Variants in RYR3 observed in about 807,000 individuals in gnomAD.
RYR3 encodes ryanodine receptor 3.
Under a neutral mutation model 584.3 loss-of-function variants are expected in RYR3, and 207 were observed. The ratio of observed to expected loss-of-function variants is 0.35; its 90% confidence interval spans 0.32 to 0.40. The LOEUF (loss-of-function observed/expected upper bound fraction) is 0.40, where lower values mean the gene tolerates loss of function less well. Among genes scored for constraint, RYR3 ranks in the 10% least tolerant of loss-of-function variants. RYR3 has a pLI of 1.00. For synonymous variants in RYR3, 2,416 were observed against 2,248.5 expected (o/e 1.07, Z -2.11); for missense variants, 5,616 against 6,089.2 (o/e 0.92, Z 2.59).
chr15:33,666,777 T>C (rs1229505980), intron 36 of RYR3, among the ~76,000 whole-genome samples: 2 of 152,208 alleles, frequency 1.3e-5, no homozygotes, highest in Non-Finnish European at 2.9e-5. Context: ...TAGCCAAGCA[T>C]AGCCAGCTGG....
At chr15:33,735,444 C>G (rs1162036354) in intron 48 of RYR3, among the ~76,000 whole-genome samples, 1 of 152,170 alleles carries the variant, frequency 6.6e-6, no homozygotes, top group African/African-American at 2.4e-5. Flanking sequence ...AAAGGGGTGT[C>G]AGCTTTACCT....
chr15:33,787,865 A>G (rs1303981047), intron 66 of RYR3, among the ~76,000 whole-genome samples: 1 of 152,256 alleles, frequency 6.6e-6, no homozygotes, highest in Non-Finnish European at 1.5e-5. Context: ...TCTGCTAGTG[A>G]GCCGAAAGCA....
At chr15:33,504,684 CT>C (rs1257647757) in intron 3 of RYR3, among the ~76,000 whole-genome samples, 4 of 152,156 alleles carry the variant, frequency 2.6e-5, no homozygotes, top group African/African-American at 9.7e-5. Flanking sequence ...GCTTAGAGCC[CT>C]TTAGGAGTTG....
chr15:33,720,240 T>C (rs75967555), intron 43 of RYR3, among the ~76,000 whole-genome samples: 2 of 152,322 alleles, frequency 1.3e-5, no homozygotes, highest in East Asian at 3.9e-4. Context: ...AGCCAAGCTC[T>C]AGGACTGGAC....
chr15:33,377,294 C>T (rs1194534733), intron 1 of RYR3, among the ~76,000 whole-genome samples: 1 of 152,212 alleles, frequency 6.6e-6, no homozygotes, highest in East Asian at 1.9e-4. Context: ...CTTCTCTAAA[C>T]AATGACGCAG....
chr15:33,805,746 G>A (rs1391898279), intron 69 of RYR3, among the ~76,000 whole-genome samples: 2 of 151,978 alleles, frequency 1.3e-5, no homozygotes, highest in Admixed American at 6.6e-5. Flanking sequence ...CAAAGTGCTG[G>A]GATTACAGGC....
intron 23 of RYR3, among the ~76,000 whole-genome samples, chr15:33,632,683 T>C (rs2061327828): frequency 6.6e-6 from 1 of 152,170 alleles, no homozygotes. Flanking sequence ...GTAGTTTTAG[T>C]AGAAATAAAG....
intron 1 of RYR3, among the ~76,000 whole-genome samples, chr15:33,377,386 T>C (rs2040833390): frequency 6.6e-6 from 1 of 152,196 alleles, no homozygotes; most frequent in South Asian, 2.1e-4. Flanking sequence ...AAGAAGACAC[T>C]GAAGGATGTT....
intron 4 of RYR3, 112 bp downstream of exon 4, chr15:33,530,778 A>G: frequency 1.3e-6 from 1 of 777,732 alleles, no homozygotes; most frequent in East Asian, 2.6e-5. Context: ...TTGGAACATA[A>G]CTAATTTTAG....
At chr15:33,708,710 T>G (rs138991039) in intron 43 of RYR3, among the ~76,000 whole-genome samples, 3 of 152,326 alleles carry the variant, frequency 2.0e-5, no homozygotes, top group Non-Finnish European at 4.4e-5. Flanking sequence ...CACTTGAATA[T>G]AAAATTTTCT....
At chr15:33,780,150 G>T in intron 64 of RYR3, 61 bp from the exon 65 acceptor site, 9 of 1,586,922 alleles carry the variant, frequency 5.7e-6, no homozygotes, top group Non-Finnish European at 7.7e-6. Context: ...GGCCTGATCT[G>T]CCAATGCATG....
chr15:33,647,900 A>T (rs1314435664), intron 30 of RYR3, among the ~76,000 whole-genome samples: 1 of 151,108 alleles, frequency 6.6e-6, no homozygotes, highest in Non-Finnish European at 1.5e-5. Flanking sequence ...CCATCGCAGA[A>T]GATGGAAGCT....
intron 80 of RYR3, among the ~76,000 whole-genome samples, chr15:33,822,616 CA>C (rs2077169894): frequency 6.6e-6 from 1 of 152,204 alleles, no homozygotes; most frequent in Non-Finnish European, 1.5e-5. Context: ...ACACAGGAAA[CA>C]AAGCCTCATT....
In RYR3 at chr15:33,857,810, G is replaced by C. The variant is rs1329150157; in HGVS notation, c.14038G>C (p.Val4680Leu). 6.2e-7 allele frequency: 1 copy of C among 1,614,014 alleles called. No individual in the cohort carries two copies. The highest frequency in any genetic ancestry group is 8.5e-7 in the Non-Finnish European group (1 of 1,180,008). Reference protein sequence around the residue: ...LVLTVGLLAVVVYLYTVVAFN... With the variant: ...LVLTVGLLAVLVYLYTVVAFN... ...TCTGACTGTCGGTCTCCTGGCCGTG[G>C]TGGTTTATCTCTATACTGTGGTGGC... The change falls in exon 99 of 104, where the codon GTG becomes CTG. Residue 4680 changes from valine to leucine, a missense_variant. Transcript: ENST00000634891.
At chr15:33,323,118 AT>A (rs927022074) in intron 1 of RYR3, among the ~76,000 whole-genome samples, 18 of 151,528 alleles carry the variant, frequency 1.2e-4, no homozygotes, top group Non-Finnish European at 2.2e-4. Flanking sequence ...ATACATATAT[AT>A]TTTTTTCTTT....
chr15:33,791,361 GAC>G lies in RYR3; in HGVS notation c.9830+2924_9830+2925del, dbSNP rs3086244. Among the ~76,000 whole-genome samples the G allele has an allele frequency of 2.8e-3, 418 of 150,604 alleles. 1 individual carries two copies. The highest frequency in any genetic ancestry group is 6.6e-3 in the African/African-American group (273 of 41,062). On this transcript the variant is annotated intron_variant, in intron 67 of 103. Transcript: ENST00000634891. ...AGACAGGAGGGCAGAGACTGTGTGTGACACACACACACACACACACACCCCTA... is the reference window on the plus strand; with the variant it reads ...AGACAGGAGGGCAGAGACTGTGTGTGACACACACACACACACACACCCCTA...
At position 33,545,192 on chromosome 15, in the gene RYR3, G is replaced by A. The variant is rs909139069; in HGVS notation, c.740+1477G>A. On this transcript the variant is annotated intron_variant, in intron 8 of 103. Coordinates refer to ENST00000634891, the MANE Select transcript of RYR3 (RefSeq NM_001036.6). The stretch of plus-strand genomic sequence containing the variant: ...GGAAAAAATGAAGTATTTACCATGG[G>A]CATGCCCCCACCCACATGCACACAC... Among the ~76,000 whole-genome samples, 9 of 152,184 alleles carry A rather than the reference G, an allele frequency of 5.9e-5. No individual in the cohort carries two copies. In the South Asian group the frequency reaches 6.2e-4, roughly 11 times the overall value.
intron 1 of RYR3, among the ~76,000 whole-genome samples, chr15:33,413,739 C>A (rs1452006836): frequency 3.3e-5 from 5 of 152,228 alleles, no homozygotes; most frequent in Non-Finnish European, 5.9e-5. Flanking sequence ...CAGCTCTGCG[C>A]TGTTTCTGGG....
intron 70 of RYR3, among the ~76,000 whole-genome samples, chr15:33,810,009 C>G (rs1249378587): frequency 6.6e-6 from 1 of 152,202 alleles, no homozygotes; most frequent in African/African-American, 2.4e-5. Flanking sequence ...TGCATTGGCT[C>G]ATGGTCGGGA....
Sources: allele counts gnomAD v4.1 joint callset (sites outside exome capture counted in the v4.1 genomes callset), GRCh38; gene constraint gnomAD v4.1.1; transcripts MANE v1.5; gene names NCBI Gene and HGNC (gene_info 2026-07-23, HGNC 2026-07-21).